The following RYR3 variants were observed in gnomAD, a reference collection of about 807,000 sequenced individuals.
The protein encoded by RYR3 is ryanodine receptor 3.
A neutral mutation model predicts 584.3 loss-of-function variants in RYR3; 207 were observed. The ratio of observed to expected loss-of-function variants is 0.35; its 90% CI spans 0.32 to 0.40. The LOEUF (loss-of-function observed/expected upper bound fraction) is 0.40, where lower values mean the gene tolerates loss of function less well. Ranked by LOEUF, RYR3 falls within the 10% of genes least tolerant of loss-of-function variation. RYR3 has a pLI of 1.00. For synonymous variants in RYR3, 2,416 were observed against 2,248.5 expected, an observed-to-expected ratio of 1.07 and a Z score of -2.11; for missense variants, 5,616 against 6,089.2, an observed-to-expected ratio of 0.92 and a Z score of 2.59.
At chr15:33,750,529 A>T (rs1020543967) in intron 57 of RYR3, among the ~76,000 whole-genome samples, 1 of 152,224 alleles carries the variant, frequency 6.6e-6, no homozygotes, top group South Asian at 2.1e-4. Context: ...TAAACATTTC[A>T]TTGTAACTTA....
chr15:33,589,562 A>G (rs747498900), intron 16 of RYR3, among the ~76,000 whole-genome samples: 18 of 152,176 alleles, frequency 1.2e-4, no homozygotes, highest in Non-Finnish European at 2.6e-4. Flanking sequence ...AATTTTCCCT[A>G]GATTTACTTC....
At chr15:33,600,396 T>C (rs1478525393) in intron 16 of RYR3, among the ~76,000 whole-genome samples, 1 of 152,110 alleles carries the variant, frequency 6.6e-6, no homozygotes, top group African/African-American at 2.4e-5. Flanking sequence ...GACTGCTGTT[T>C]GCGCATTCCT....
rs918085902 is a variant in RYR3, at chr15:33,728,761, A to T, written c.7034-96A>T. On this transcript the variant is annotated intron_variant, in intron 46 of 103. Transcript: ENST00000634891. Reference sequence around the variant, plus strand: ...ATTTTTCCAAAAATTCTTGTCCCTTATAGGGAGAATAAGCTATAGACAGAC... The same window carrying T: ...ATTTTTCCAAAAATTCTTGTCCCTTTTAGGGAGAATAAGCTATAGACAGAC... The T allele has an allele frequency of 1.7e-5, 21 of 1,204,348 alleles. 1 individual carries two copies. In the Middle Eastern group the frequency reaches 6.4e-4, roughly 37 times the overall value. The allele number at this position is 1,204,348 out of a possible 1,614,324, so 74.6% of individuals were successfully genotyped here.
chr15:33,562,248 G>A (rs920932094), intron 10 of RYR3, among the ~76,000 whole-genome samples: 2 of 152,172 alleles, frequency 1.3e-5, no homozygotes, highest in African/African-American at 4.8e-5. Flanking sequence ...GAATGAAACC[G>A]CTTGACTACA....
intron 25 of RYR3, among the ~76,000 whole-genome samples, chr15:33,635,302 C>T (rs1035023808): frequency 6.6e-6 from 1 of 152,168 alleles, no homozygotes; most frequent in African/African-American, 2.4e-5. Context: ...AATGATTTTA[C>T]CTCTTTGAGC....
Position 33,603,029 on chromosome 15 carries a change from G to A in RYR3, c.1923-94G>A, listed in dbSNP as rs188972387. ...ATACACAGCATTGCTCTTGTCCTAC[G>A]TGTAAATGGGCCGTTGCCTCCTATG... On this transcript the variant is annotated intron_variant, in intron 17 of 103. Coordinates refer to ENST00000634891, the MANE Select transcript of RYR3 (RefSeq NM_001036.6). The A allele has an allele frequency of 1.3e-3, 1,658 of 1,306,582 alleles. 1 individual carries two copies. The highest frequency in any genetic ancestry group is 1.6e-3 in the Non-Finnish European group (1,489 of 922,694). The allele number at this position is 1,306,582 out of a possible 1,614,324, so 80.9% of individuals were successfully genotyped here.
At chr15:33,492,746 G>C (rs1197082693) in intron 2 of RYR3, among the ~76,000 whole-genome samples, 4 of 152,138 alleles carry the variant, frequency 2.6e-5, no homozygotes, top group African/African-American at 9.7e-5. Flanking sequence ...CACCTGAGGA[G>C]ACAGCCCCAC....
chr15:33,624,101 T>G (rs2060861557), intron 20 of RYR3, 78 bp downstream of exon 20: 1 of 1,007,288 alleles, frequency 9.9e-7, no homozygotes, highest in Non-Finnish European at 1.5e-6. Context: ...TTCTTGTTTT[T>G]GAACCTTTCT....
intron 10 of RYR3, among the ~76,000 whole-genome samples, chr15:33,560,972 G>T (rs2057369743): frequency 2.0e-5 from 3 of 151,618 alleles, no homozygotes; most frequent in Non-Finnish European, 4.4e-5. Context: ...AAAAGAAAAA[G>T]AAATTTCTTG....
Position 33,810,886 on chromosome 15 carries a change from A to G in RYR3, c.10198-92A>G, listed in dbSNP as rs958594420. ...TGTTCTTCTGATAAAGATCCCAGTG[A>G]AACTGTGCGTTGACTCTCCATACAT... is the stretch of plus-strand genomic sequence containing the variant. On this transcript the variant is annotated intron_variant, in intron 71 of 103. Coordinates refer to ENST00000634891, the MANE Select transcript of RYR3 (RefSeq NM_001036.6). 6.5e-5 allele frequency: 78 copies of G among 1,191,980 alleles called. No individual in the cohort carries two copies. In the South Asian group the frequency reaches 1.0e-3, roughly 16 times the overall value. 73.8% of individuals were successfully genotyped at this position (1,191,980 alleles called of 1,614,324 possible).
rs1277523098 is a variant in RYR3, at chr15:33,634,691, G to T, written c.3133G>T (p.Val1045Phe). ...CCTGCGGGAAGCTGTGCGCACTTTT[G>T]TTGGTTACGGGTATAACATTGAGCC... ...DSLREAVRTF[V>F]GYGYNIEPSD... Residue 1045 changes from valine to phenylalanine, a missense_variant, in exon 25 of 104, where the codon GTT becomes TTT. Physicochemically the swap from Val to Phe is conservative, Grantham distance 50. Coordinates refer to ENST00000634891, the MANE Select transcript of RYR3 (RefSeq NM_001036.6). 1.9e-6 allele frequency: 3 copies of T among 1,613,996 alleles called. No homozygotes were observed. Among genetic ancestry groups the T allele is most frequent in the African/African-American group, 2.7e-5 (2 of 75,042 alleles).
At chr15:33,660,965 C>T (rs762166857) in intron 34 of RYR3, among the ~76,000 whole-genome samples, 1 of 152,198 alleles carries the variant, frequency 6.6e-6, no homozygotes, top group African/African-American at 2.4e-5. Context: ...TAAGTATAAT[C>T]TGGTACAGTT....
intron 41 of RYR3, among the ~76,000 whole-genome samples, chr15:33,700,499 A>G (rs538966597): frequency 6.6e-6 from 1 of 152,342 alleles, no homozygotes; most frequent in East Asian, 1.9e-4. Context: ...ACCTTTTTGT[A>G]AAATGCCACC....
chr15:33,819,028 C>T (rs2152955738), intron 76 of RYR3, among the ~76,000 whole-genome samples: 1 of 152,200 alleles, frequency 6.6e-6, no homozygotes, highest in South Asian at 2.1e-4. Context: ...GAGGCTGAGG[C>T]AGGACAATCG....
chr15:33,407,288 G>GAGGGT (rs2141441189), intron 1 of RYR3, among the ~76,000 whole-genome samples: 1 of 152,350 alleles, frequency 6.6e-6, no homozygotes, highest in Non-Finnish European at 1.5e-5. Context: ...AACTATAGTA[G>GAGGGT]AGGGTGACGA....
Position 33,649,142 on chromosome 15 carries a change from C to T in RYR3, c.4049C>T (p.Pro1350Leu). The T allele has an allele frequency of 6.2e-7, 1 of 1,613,866 alleles. No homozygotes were observed. The highest frequency in any genetic ancestry group is 1.3e-5 in the African/African-American group (1 of 75,018). The change falls in exon 31 of 104, where the codon CCA becomes CTA. Residue 1350 changes from proline (P) to leucine (L), a missense_variant. This residue lies in a region of RYR3 where 753 missense variants were observed against 741.0 expected (regional missense o/e 1.02). Coordinates refer to ENST00000634891, the MANE Select transcript of RYR3 (RefSeq NM_001036.6). ...PSCVWVGWVT[P>L]DYHLYSEKFD... Reference sequence around the variant, plus strand: ...TGTGTCTGGGTCGGATGGGTGACTCCAGACTATCACTTGTACAGTGAAAAG... The same window carrying T: ...TGTGTCTGGGTCGGATGGGTGACTCTAGACTATCACTTGTACAGTGAAAAG...
At chr15:33,462,235 A>C (rs905918178) in intron 1 of RYR3, among the ~76,000 whole-genome samples, 1 of 152,172 alleles carries the variant, frequency 6.6e-6, no homozygotes, top group Admixed American at 6.5e-5. Flanking sequence ...TAGATTTTGT[A>C]TGGAAATTGC....
At chr15:33,389,821 A>T (rs919541763) in intron 1 of RYR3, among the ~76,000 whole-genome samples, 7 of 152,186 alleles carry the variant, frequency 4.6e-5, no homozygotes, top group African/African-American at 1.7e-4. Context: ...TTTTTCAAGG[A>T]TGCAGTTTAG....
intron 1 of RYR3, among the ~76,000 whole-genome samples, chr15:33,349,294 C>T (rs1267189617): frequency 2.0e-5 from 3 of 151,944 alleles, no homozygotes; most frequent in Admixed American, 6.6e-5. Flanking sequence ...TGGGTAAATT[C>T]CTAGGAGCGT....
Sources: gnomAD v4.1 joint callset for allele counts (sites outside exome capture counted in the v4.1 genomes callset) on GRCh38, gnomAD v4.1.1 for gene constraint, gnomAD v4.1.1 regional missense constraint, MANE v1.5 for transcripts, NCBI Gene and HGNC (gene_info 2026-07-23, HGNC 2026-07-21) for gene names.